DNAH5: variants seen among roughly 807,000 people sequenced by gnomAD.
The protein encoded by DNAH5 is axonemal beta dynein heavy chain 5.
Under a neutral mutation model 518.2 loss-of-function variants are expected in DNAH5, and 372 were observed. The ratio of observed to expected loss-of-function variants is 0.72; its 90% CI spans 0.66 to 0.78. The LOEUF (loss-of-function observed/expected upper bound fraction) is 0.78, where lower values mean the gene tolerates loss of function less well. DNAH5 is among the 30% of genes least tolerant of loss of function. The probability of loss-of-function intolerance (pLI) is 0.00; values close to 1 mark genes in which losing one functional copy is unlikely to be tolerated. For missense variants in DNAH5, 5,523 were observed against 5,687.0 expected, an observed-to-expected ratio of 0.97 and a Z score of 0.93; for synonymous variants, 2,039 against 2,025.9, an observed-to-expected ratio of 1.01 and a Z score of -0.17.
rs1452341529 is a variant in DNAH5 at position 13,807,595 on chromosome 5, A to C, written c.7883T>G (p.Phe2628Cys). The change falls in exon 47 of 79, where the codon TTC becomes TGC. Residue 2628 changes from phenylalanine to cysteine, a missense_variant. Transcript: ENST00000265104. Reference protein sequence around the residue: ...NFSSATTPLMFQRTIESYVDK... With the variant: ...NFSSATTPLMCQRTIESYVDK... ...GCCATACCAAAGAGCCAGTACCTGGAACATCAGTGGGGTGGTTGCAGAAGA... is the reference window on the plus strand; with the variant it reads ...GCCATACCAAAGAGCCAGTACCTGGCACATCAGTGGGGTGGTTGCAGAAGA... 81 of 1,613,588 alleles carry C rather than the reference A, an allele frequency of 5.0e-5. No individual in the cohort carries two copies. Among genetic ancestry groups the C allele is most frequent in the Non-Finnish European group, 6.5e-5 (77 of 1,179,744 alleles).
Position 13,727,553 on chromosome 5 carries a change from C to T in DNAH5, c.11987G>A (p.Arg3996His), listed in dbSNP as rs768677731. Residue 3996 changes from arginine to histidine, a missense_variant, in exon 70 of 79, where the codon CGT becomes CAT. Transcript: ENST00000265104. ...ACACCAGGATCTAATAAGGAGAAGA[C>T]GTCTGAAGCAGTCAAGAGATTTATC... ...AYDKSLDCFR[R>H]LLLIRSWCPD... 1.3e-5 allele frequency: 21 copies of T among 1,613,676 alleles called. No individual in the cohort carries two copies. The highest frequency in any genetic ancestry group is 6.7e-5 in the African/African-American group (5 of 74,898).
chr5:13,844,435 A>G (rs1765686777), intron 32 of DNAH5, among the ~76,000 whole-genome samples: 1 of 152,220 alleles, frequency 6.6e-6, no homozygotes, highest in East Asian at 1.9e-4. Flanking sequence ...GAAGTGTTAA[A>G]AAAACAAAAA....
intron 1 of DNAH5, among the ~76,000 whole-genome samples, chr5:14,004,903 C>T (rs1784614638): frequency 6.6e-6 from 1 of 151,286 alleles, no homozygotes; most frequent in African/African-American, 2.4e-5. Flanking sequence ...TTTCTGCGAT[C>T]ACCTCCTAAC....
rs773046764 is a variant in DNAH5, at chr5:13,700,763, A to G, written c.13600T>C (p.Tyr4534His). 2.0e-5 allele frequency: 32 copies of G among 1,614,074 alleles called. No individual in the cohort carries two copies. Among genetic ancestry groups the G allele is most frequent in the Non-Finnish European group, 2.7e-5 (32 of 1,180,014 alleles). The change falls in exon 78 of 79, where the codon TAT (tyrosine) becomes CAT (histidine). Residue 4534 changes from tyrosine to histidine, a missense_variant. By Grantham distance (83) the Tyr-to-His change is moderately conservative. This residue lies in a region of DNAH5 where 387 missense variants were observed against 430.0 expected (regional missense o/e 0.90). Transcript: ENST00000265104. ...DISAPPTEGV[Y>H]VYGLYLEGAG... ...CCTTCAAGATATAAGCCATAGACAT[A>G]GACACCCTCTGTGGGAGGGGCAGAA...
At chr5:13,979,305 C>T (rs1232493745) in intron 1 of DNAH5, among the ~76,000 whole-genome samples, 1 of 152,198 alleles carries the variant, frequency 6.6e-6, no homozygotes, top group African/African-American at 2.4e-5. Flanking sequence ...ACGCTTGAGG[C>T]TCCTTACCTT....
chr5:13,927,421 T>C (rs955932501), intron 3 of DNAH5, among the ~76,000 whole-genome samples: 3 of 152,058 alleles, frequency 2.0e-5, no homozygotes, highest in South Asian at 2.1e-4. Context: ...GGCAGGAGAA[T>C]TGCTTGAACC....
chr5:13,788,212 C>G (rs1411739270), intron 51 of DNAH5, among the ~76,000 whole-genome samples: 2 of 152,106 alleles, frequency 1.3e-5, no homozygotes, highest in Admixed American at 1.3e-4. Context: ...TCAGGATGAC[C>G]TGAATAATAA....
intron 65 of DNAH5, among the ~76,000 whole-genome samples, chr5:13,743,645 C>T (rs1748924029): frequency 6.6e-6 from 1 of 151,792 alleles, no homozygotes; most frequent in East Asian, 1.9e-4. Context: ...AAAAAATGGG[C>T]AAATTATCTG....
Position 13,927,836 on chromosome 5 carries a change from T to C in DNAH5, c.277+258A>G, listed in dbSNP as rs10513163. Among the ~76,000 whole-genome samples, 74,962 of 152,024 alleles carry C rather than the reference T, an allele frequency of 0.49. 19,609 individuals are homozygous for C. The highest frequency in any genetic ancestry group is 0.87 in the East Asian group (4,488 of 5,158). On this transcript the variant is annotated intron_variant, in intron 3 of 78. Transcript: ENST00000265104. ...TGCCAGCACAGCCTGAGAAGGAATA[T>C]GAGACAACTCCAATAAAGTTAGAAC...
At chr5:13,966,281 G>C (rs187098517) in intron 1 of DNAH5, among the ~76,000 whole-genome samples, 17 of 152,194 alleles carry the variant, frequency 1.1e-4, no homozygotes, top group South Asian at 6.2e-4. Flanking sequence ...ATTTGGGCTG[G>C]TTCCATATTT....
Position 13,900,375 on chromosome 5 carries a change from A to C in DNAH5, c.2090T>G (p.Leu697Trp). 8 of 1,614,186 alleles carry C rather than the reference A, an allele frequency of 5.0e-6. No individual in the cohort carries two copies. Among genetic ancestry groups the C allele is most frequent in the Non-Finnish European group, 6.8e-6 (8 of 1,180,016 alleles). ...TTCCCCTGTGCCTGGAGCCTTCACC[A>C]ATAATGAAGCCTCAAGACCTACATG... ...EIHVGLEASL[L>W]VKAPGTGELF... The change falls in exon 15 of 79, where the codon TTG becomes TGG. Residue 697 changes from leucine (L) to tryptophan (W), a missense_variant. By Grantham distance (61) the Leu-to-Trp change is moderately conservative. Transcript: ENST00000265104.
intron 30 of DNAH5, among the ~76,000 whole-genome samples, chr5:13,856,629 C>G (rs892281108): frequency 6.6e-6 from 1 of 152,158 alleles, no homozygotes; most frequent in Non-Finnish European, 1.5e-5. Context: ...AAAATACAAG[C>G]AAACCGAATC....
At chr5:13,734,146 T>C (rs1206939069) in intron 68 of DNAH5, among the ~76,000 whole-genome samples, 3 of 152,128 alleles carry the variant, frequency 2.0e-5, no homozygotes. Context: ...TAATAGTCAC[T>C]AGAGAGCTTG....
chr5:13,713,446 T>TATATATATATACATCGAC (rs1561094238), intron 75 of DNAH5, among the ~76,000 whole-genome samples: 2 of 126,086 alleles, frequency 1.6e-5, no homozygotes, highest in African/African-American at 6.9e-5. Flanking sequence ...TATATATATA[T>TATATATATATACATCGAC]ATATATATAT....
intron 65 of DNAH5, among the ~76,000 whole-genome samples, chr5:13,741,153 A>G (rs1748471152): frequency 6.6e-6 from 1 of 152,196 alleles, no homozygotes; most frequent in Non-Finnish European, 1.5e-5. Context: ...CATGACATTA[A>G]AAATAAAGGA....
intron 47 of DNAH5, among the ~76,000 whole-genome samples, chr5:13,806,303 C>G (rs769824865): frequency 2.0e-5 from 3 of 152,068 alleles, no homozygotes; most frequent in Non-Finnish European, 4.4e-5. Context: ...ATCTGCCCAC[C>G]CAGACACTAT....
chr5:13,894,463 G>C (rs893590378), intron 16 of DNAH5, among the ~76,000 whole-genome samples, 187 bp downstream of exon 16: 1 of 152,170 alleles, frequency 6.6e-6, no homozygotes, highest in Non-Finnish European at 1.5e-5. Flanking sequence ...AAATTAAATA[G>C]TGAATATTTA....
chr5:13,725,266 G>A (rs577521781), intron 70 of DNAH5, among the ~76,000 whole-genome samples: 1 of 152,328 alleles, frequency 6.6e-6, no homozygotes, highest in South Asian at 2.1e-4. Flanking sequence ...TGTGAAAGAA[G>A]CATTTAAGCT....
chr5:13,976,724 T>TACACACACACATAC (rs1782282201), intron 1 of DNAH5, among the ~76,000 whole-genome samples: 1 of 109,782 alleles, frequency 9.1e-6, no homozygotes, highest in Non-Finnish European at 2.0e-5. Context: ...CACACACACA[T>TACACACACACATAC]ACACACACAC....
Sources: gnomAD v4.1 joint callset for allele counts (sites outside exome capture counted in the v4.1 genomes callset) on GRCh38, gnomAD v4.1.1 for gene constraint, gnomAD v4.1.1 regional missense constraint, MANE v1.5 for transcripts, NCBI Gene and HGNC (gene_info 2026-07-23, HGNC 2026-07-21) for gene names.